Variants in THRB observed in about 807,000 individuals in gnomAD.
THRB encodes the protein thyroid hormone receptor beta, also known as nuclear receptor subfamily 1 group A member 2.
In THRB, 12 loss-of-function variants were observed where a neutral mutation model predicts 47.8. That is an observed-to-expected ratio of 0.25 (90% CI 0.16 to 0.41). The LOEUF is 0.41. THRB is among the 10% of genes least tolerant of loss of function. The probability of loss-of-function intolerance (pLI) is 1.00; values close to 1 mark genes in which losing one functional copy is unlikely to be tolerated. For synonymous variants in THRB, 218 were observed against 212.2 expected, an observed-to-expected ratio of 1.03 and a Z score of -0.24; for missense variants, 348 against 589.2, an observed-to-expected ratio of 0.59 and a Z score of 4.24.
chr3:24,252,621 C>T (rs748810477), intron 3 of THRB, among the ~76,000 whole-genome samples: 3 of 150,626 alleles, frequency 2.0e-5, no homozygotes, highest in Non-Finnish European at 4.4e-5. Context: ...AACCATATCT[C>T]GAATGCCTAT....
At chr3:24,479,899 A>G (rs1453285812) in intron 1 of THRB, among the ~76,000 whole-genome samples, 1 of 152,148 alleles carries the variant, frequency 6.6e-6, no homozygotes, top group Non-Finnish European at 1.5e-5. Context: ...TAGTCCTGAA[A>G]TGACAGGGAA....
At chr3:24,404,188 A>T (rs2067642805) in intron 1 of THRB, among the ~76,000 whole-genome samples, 1 of 151,986 alleles carries the variant, frequency 6.6e-6, no homozygotes, top group African/African-American at 2.4e-5. Flanking sequence ...AACTCAGTGA[A>T]CCAATATTTT....
chr3:24,473,018 T>A (rs1426970460), intron 1 of THRB, among the ~76,000 whole-genome samples: 1 of 152,208 alleles, frequency 6.6e-6, no homozygotes, highest in Non-Finnish European at 1.5e-5. Flanking sequence ...TTATATACAA[T>A]CTACTTCCTT....
At chr3:24,279,791 AT>A (rs1415806634) in intron 3 of THRB, among the ~76,000 whole-genome samples, 1 of 152,094 alleles carries the variant, frequency 6.6e-6, no homozygotes. Flanking sequence ...ACACTGAAAA[AT>A]TCCTTTTTAA....
chr3:24,263,932 G>A (rs1027257355), intron 3 of THRB, among the ~76,000 whole-genome samples: 2 of 152,156 alleles, frequency 1.3e-5, no homozygotes, highest in African/African-American at 4.8e-5. Context: ...GAGTTTTGGA[G>A]GCACTGAACT....
At chr3:24,173,127 T>C (rs1475990499) in intron 5 of THRB, among the ~76,000 whole-genome samples, 1 of 152,138 alleles carries the variant, frequency 6.6e-6, no homozygotes, top group East Asian at 1.9e-4. Flanking sequence ...CCAGACCAAC[T>C]GGATCGTAAA....
chr3:24,165,657 C>G, intron 5 of THRB: 1 of 248,848 alleles, frequency 4.0e-6, no homozygotes, highest in Non-Finnish European at 7.6e-6. Flanking sequence ...GTGCATGCAG[C>G]TAGTTAATTC....
intron 1 of THRB, among the ~76,000 whole-genome samples, chr3:24,384,949 T>A (rs371891834): frequency 1.3e-5 from 2 of 152,250 alleles, no homozygotes; most frequent in African/African-American, 4.8e-5. Flanking sequence ...GAAAAGTCAT[T>A]GAGCCACAGA....
intron 2 of THRB, among the ~76,000 whole-genome samples, chr3:24,327,978 C>A (rs940021984): frequency 6.6e-6 from 1 of 151,962 alleles, no homozygotes; most frequent in African/African-American, 2.4e-5. Flanking sequence ...AAAATCAATA[C>A]CCTATAGGAA....
chr3:24,350,624 A>C (rs1215914366), intron 1 of THRB, among the ~76,000 whole-genome samples: 1 of 152,134 alleles, frequency 6.6e-6, no homozygotes, highest in Non-Finnish European at 1.5e-5. Context: ...TGGTTTTAGA[A>C]CTCCAGGGAG....
At chr3:24,394,142 G>A (rs1002209966) in intron 1 of THRB, among the ~76,000 whole-genome samples, 7 of 152,140 alleles carry the variant, frequency 4.6e-5, no homozygotes, top group African/African-American at 1.7e-4. Context: ...TTTGAACTCA[G>A]ATCTATAAAA....
intron 5 of THRB, among the ~76,000 whole-genome samples, chr3:24,186,944 C>CAAAAAAAAA (rs71057655): frequency 1.0e-4 from 8 of 77,518 alleles, no homozygotes; most frequent in East Asian, 4.0e-4. Flanking sequence ...GACTCCATTT[C>CAAAAAAAAA]AAAAAAAAAA....
intron 1 of THRB, among the ~76,000 whole-genome samples, chr3:24,338,181 AT>A (rs527744788): frequency 6.6e-6 from 1 of 152,062 alleles, no homozygotes; most frequent in Non-Finnish European, 1.5e-5. Flanking sequence ...CTGTGCTCTA[AT>A]TTTTTTTAAT....
chr3:24,401,189 G>A (rs1209602922), intron 1 of THRB, among the ~76,000 whole-genome samples: 1 of 152,016 alleles, frequency 6.6e-6, no homozygotes, highest in Non-Finnish European at 1.5e-5. Flanking sequence ...ACTAGGTTGA[G>A]AAAGGGAGTA....
intron 1 of THRB, among the ~76,000 whole-genome samples, chr3:24,357,827 C>G (rs577980189): frequency 1.3e-5 from 2 of 152,122 alleles, no homozygotes; most frequent in Non-Finnish European, 2.9e-5. Context: ...TGTATTTTAA[C>G]AATGTGCGTC....
intron 1 of THRB, among the ~76,000 whole-genome samples, chr3:24,451,133 T>C (rs1311499256): frequency 6.6e-6 from 1 of 151,986 alleles, no homozygotes; most frequent in Non-Finnish European, 1.5e-5. Flanking sequence ...TTATTTATTA[T>C]CCACTTACTA....
chr3:24,407,807 TTAGC>T (rs2067951301), intron 1 of THRB, among the ~76,000 whole-genome samples: 1 of 151,900 alleles, frequency 6.6e-6, no homozygotes, highest in Non-Finnish European at 1.5e-5. Context: ...CTCTTGTCTA[TTAGC>T]CAAGGTACCA....
rs117911408 is a variant in THRB at position 24,242,044 on chromosome 3, G to T, written c.-42-13043C>A. 2.0e-5 allele frequency among the ~76,000 whole-genome samples: 3 copies of T among 152,310 alleles called. No homozygotes were observed. The East Asian group carries it at 5.8e-4, about 29-fold the overall frequency. Reference sequence around the variant, plus strand: ...TGAGTTATTTCTTGAAGCTAGGGCAGCTGTACTGCCTGCTCACAAGAGTGA... The same window carrying T: ...TGAGTTATTTCTTGAAGCTAGGGCATCTGTACTGCCTGCTCACAAGAGTGA... On this transcript the variant is annotated intron_variant, in intron 3 of 10. Transcript: ENST00000646209.
At chr3:24,469,040 A>T (rs991540995) in intron 1 of THRB, among the ~76,000 whole-genome samples, 3 of 152,166 alleles carry the variant, frequency 2.0e-5, no homozygotes, top group African/African-American at 7.2e-5. Flanking sequence ...AAACACACAG[A>T]CACATCCCCA....
Sources: allele counts gnomAD v4.1 joint callset (sites outside exome capture counted in the v4.1 genomes callset), GRCh38; gene constraint gnomAD v4.1.1; transcripts MANE v1.5; gene names NCBI Gene and HGNC (gene_info 2026-07-23, HGNC 2026-07-21).